ZNF469: variants seen among roughly 807,000 people sequenced by gnomAD.
ZNF469 encodes zinc finger protein 469.
ZNF469 carries 1 observed loss-of-function variant against 1.0 expected under a neutral mutation model. The observed-to-expected ratio is 1.00, with a 90% CI of 0.35 to 4.73. ZNF469 has a LOEUF of 4.73. Among genes scored for constraint, ZNF469 ranks in the 30% most tolerant of loss-of-function variants. The pLI, the probability that ZNF469 is intolerant of heterozygous loss-of-function variation, is 0.16. For missense variants in ZNF469, 6,100 were observed against 5,356.3 expected (o/e 1.14, Z -4.33); for synonymous variants, 2,703 against 2,363.4 (o/e 1.14, Z -4.17).
At chr16:88,376,586 G>A in the ZNF469 span, among the ~76,000 whole-genome samples, 3 of 152,228 alleles carry the variant, frequency 2.0e-5, no homozygotes, top group Admixed American at 6.5e-5. Flanking sequence ...GGTCTCCACC[G>A]CCTCTGTTTT....
chr16:88,328,360 T>C, the ZNF469 span, among the ~76,000 whole-genome samples: 2 of 152,230 alleles, frequency 1.3e-5, no homozygotes, highest in South Asian at 2.1e-4. Flanking sequence ...TGCACTTCCT[T>C]ACCTGTGTGA....
chr16:88,154,631 A>G, the ZNF469 span, among the ~76,000 whole-genome samples: 3 of 152,306 alleles, frequency 2.0e-5, no homozygotes, highest in South Asian at 6.2e-4. Context: ...GCTCAGAGAG[A>G]AGGGCTGGCT....
rs59045549 is a variant in ZNF469, at chr16:88,424,938, C to T, written c.-127+67C>T. ...GCTCTGGTCTTGATGGTCCTGAGGC[C>T]CCCTCCGCCCCCACCCGCCCGGCCT... On this transcript the variant is annotated intron_variant, in intron 2 of 2. Transcript: ENST00000565624. The surrounding 1 kb of genome is among the most constrained non-coding windows in gnomAD (Gnocchi z 4.3). Among the ~76,000 whole-genome samples the T allele has an allele frequency of 0.019, 2,898 of 152,264 alleles. 85 individuals are homozygous for T. Among genetic ancestry groups the T allele is most frequent in the African/African-American group, 0.067 (2,769 of 41,532 alleles).
chr16:88,310,600 T>C, the ZNF469 span, among the ~76,000 whole-genome samples: 11 of 151,932 alleles, frequency 7.2e-5, no homozygotes, highest in African/African-American at 2.7e-4. Flanking sequence ...ATTTACTTTC[T>C]GAGACAGAGT....
chr16:88,380,841 CAG>C (rs2092520829), upstream of ZNF469, among the ~76,000 whole-genome samples: 1 of 150,494 alleles, frequency 6.6e-6, no homozygotes, highest in African/African-American at 2.4e-5. Flanking sequence ...CGCACTCACA[CAG>C]ACATGCACTC....
At chr16:88,104,936 G>C in the ZNF469 span, among the ~76,000 whole-genome samples, 1 of 152,200 alleles carries the variant, frequency 6.6e-6, no homozygotes, top group Non-Finnish European at 1.5e-5. Context: ...ATTTTGGCCA[G>C]GTGCAGCAGT....
the ZNF469 span, among the ~76,000 whole-genome samples, chr16:88,148,037 G>A: frequency 0.022 from 3,341 of 151,548 alleles, 151 homozygotes; most frequent in African/African-American, 0.078. Context: ...GTACGCCGGC[G>A]GTCACCTGTC....
the ZNF469 span, among the ~76,000 whole-genome samples, chr16:88,110,719 A>G: frequency 9.2e-5 from 14 of 152,082 alleles, no homozygotes; most frequent in Non-Finnish European, 1.8e-4. Context: ...TGCCTTTTCC[A>G]TCGAAGGTGG....
the ZNF469 span, among the ~76,000 whole-genome samples, chr16:88,271,282 C>T: frequency 7.1e-6 from 1 of 140,288 alleles, no homozygotes; most frequent in African/African-American, 2.4e-5. Context: ...GGACAAAGTA[C>T]GTGGGAATGT....
At chr16:88,108,732 C>A in the ZNF469 span, among the ~76,000 whole-genome samples, 1 of 152,198 alleles carries the variant, frequency 6.6e-6, no homozygotes, top group Non-Finnish European at 1.5e-5. Context: ...TGGGGGGCCA[C>A]GCATGTGTTT....
At chr16:88,182,954 A>G in the ZNF469 span, among the ~76,000 whole-genome samples, 3 of 152,244 alleles carry the variant, frequency 2.0e-5, no homozygotes, top group Non-Finnish European at 2.9e-5. Flanking sequence ...TGAAGAGACA[A>G]ACCACAGACT....
chr16:88,220,448 G>T, the ZNF469 span, among the ~76,000 whole-genome samples: 3 of 152,206 alleles, frequency 2.0e-5, no homozygotes, highest in African/African-American at 4.8e-5. Flanking sequence ...GAGCTTTCTT[G>T]CCCGGATGAA....
the ZNF469 span, among the ~76,000 whole-genome samples, chr16:88,301,186 G>A: frequency 8.6e-5 from 13 of 151,120 alleles, no homozygotes; most frequent in South Asian, 4.2e-4. Context: ...ATGGAGTCTC[G>A]CTCTGTCACC....
rs1219681447 is a variant in ZNF469, at chr16:88,440,013, C to A, written c.*681C>A. The A allele has an allele frequency of 1.3e-5, 2 of 154,666 alleles. No individual in the cohort carries two copies. Among genetic ancestry groups the A allele is most frequent in the African/African-American group, 4.8e-5 (2 of 41,294 alleles). The allele number at this position is 154,666 out of a possible 1,614,324, so 9.6% of individuals were successfully genotyped here. On this transcript the variant is annotated 3_prime_UTR_variant, in exon 3 of 3. Coordinates refer to ENST00000565624, the MANE Select transcript of ZNF469 (RefSeq NM_001367624.2). Reference sequence around the variant, plus strand: ...CCAGGAACCGGGTTCCCGTATGGAACTGGGAAGAAACCGCCCCTGTGCCAG... The same window carrying A: ...CCAGGAACCGGGTTCCCGTATGGAAATGGGAAGAAACCGCCCCTGTGCCAG...
chr16:88,158,001 A>G, the ZNF469 span, among the ~76,000 whole-genome samples: 2 of 152,060 alleles, frequency 1.3e-5, 1 homozygote, highest in South Asian at 4.1e-4. Context: ...CTCAAGACCA[A>G]GGCCACCTGG....
At chr16:88,177,051 G>A in the ZNF469 span, among the ~76,000 whole-genome samples, 3 of 152,230 alleles carry the variant, frequency 2.0e-5, no homozygotes, top group South Asian at 4.1e-4. This position sits in a 1 kb window ranked among gnomAD's most constrained non-coding sequence, Gnocchi z 4.8. Context: ...ACCCGTGCAC[G>A]TCTCTGGTGA....
the ZNF469 span, among the ~76,000 whole-genome samples, chr16:88,240,124 T>C: frequency 3.3e-5 from 5 of 151,022 alleles, no homozygotes; most frequent in Non-Finnish European, 3.0e-5. Flanking sequence ...CTGCCTATGA[T>C]GATTTAAGGG....
At chr16:88,393,232 C>T (rs1362460814) in intron 1 of ZNF469, among the ~76,000 whole-genome samples, 1 of 152,274 alleles carries the variant, frequency 6.6e-6, no homozygotes, top group Admixed American at 6.5e-5. Context: ...AAGCCGCCAG[C>T]GGCCCTCCGT....
At chr16:88,198,010 T>G in the ZNF469 span, among the ~76,000 whole-genome samples, 1 of 152,178 alleles carries the variant, frequency 6.6e-6, no homozygotes, top group East Asian at 1.9e-4. Context: ...AGAAGGGAGC[T>G]TTTGAGGGAG....
Sources: allele counts gnomAD v4.1 joint callset (sites outside exome capture counted in the v4.1 genomes callset), GRCh38; gene constraint gnomAD v4.1.1; non-coding constraint Gnocchi (gnomAD v3.1); transcripts MANE v1.5; gene names NCBI Gene and HGNC (gene_info 2026-07-23, HGNC 2026-07-21).